Variants in NCOR2 observed in about 807,000 individuals in gnomAD.
NCOR2 encodes CTG repeat protein 26.
A neutral mutation model predicts 262.9 loss-of-function variants in NCOR2; 81 were observed. That is an observed-to-expected ratio of 0.31 (90% CI 0.26 to 0.37). The LOEUF (loss-of-function observed/expected upper bound fraction) is 0.37. Among genes scored for constraint, NCOR2 ranks in the 10% least tolerant of loss-of-function variants. The pLI is 1.00. For missense variants in NCOR2, 3,385 were observed against 3,621.4 expected (o/e 0.93, Z 1.68); for synonymous variants, 1,659 against 1,559.3 (o/e 1.06, Z -1.51).
At chr12:124,533,701 C>T (rs1357818061) in intron 1 of NCOR2, among the ~76,000 whole-genome samples, 1 of 152,162 alleles carries the variant, frequency 6.6e-6, no homozygotes, top group Non-Finnish European at 1.5e-5. Flanking sequence ...AATATATAGT[C>T]ATGTACTGCT....
intron 16 of NCOR2, among the ~76,000 whole-genome samples, chr12:124,390,726 G>C (rs1309660881): frequency 2.0e-5 from 3 of 152,220 alleles, no homozygotes; most frequent in African/African-American, 7.2e-5. Flanking sequence ...TTGACATCCA[G>C]GCACACGCCC....
chr12:124,527,859 C>T (rs1490848048), intron 1 of NCOR2, among the ~76,000 whole-genome samples: 4 of 152,236 alleles, frequency 2.6e-5, no homozygotes, highest in African/African-American at 4.8e-5. Context: ...AGCATAAAGA[C>T]GGGTCCACCT....
At chr12:124,475,855 A>T (rs2047075790) in intron 3 of NCOR2, among the ~76,000 whole-genome samples, 1 of 152,112 alleles carries the variant, frequency 6.6e-6, no homozygotes, top group Non-Finnish European at 1.5e-5. Flanking sequence ...ACCCCACAGA[A>T]CCGTGGGGCT....
intron 31 of NCOR2, among the ~76,000 whole-genome samples, chr12:124,345,744 G>C (rs528339656): frequency 7.2e-5 from 11 of 152,260 alleles, no homozygotes; most frequent in African/African-American, 2.6e-4. Context: ...TGGCAATCAG[G>C]GATCTTACTG....
chr12:124,436,044 C>T (rs866441576), intron 8 of NCOR2, among the ~76,000 whole-genome samples: 3 of 152,374 alleles, frequency 2.0e-5, no homozygotes, highest in Non-Finnish European at 2.9e-5. Flanking sequence ...CTCGTCCTTA[C>T]GCACGACCTG....
In NCOR2 at chr12:124,325,377, G is replaced by GCCCCCCCCCCCCCCC. The variant is rs58967881; in HGVS notation, c.*24_*25insGGGGGGGGGGGGGGG. On this transcript the variant is annotated 3_prime_UTR_variant, in exon 47 of 47. Transcript: ENST00000405201. ...CTGTGGCTCGCTGGGACCTGACACC[G>GCCCCCCCCCCCCCCC]CCCCCCCCCCCGCCCTGTTCTGAGT... The GCCCCCCCCCCCCCCC allele has an allele frequency of 9.2e-5, 23 of 251,118 alleles. 2 individuals are homozygous for GCCCCCCCCCCCCCCC. The highest frequency in any genetic ancestry group is 2.5e-4 in the Admixed American group (2 of 7,864). 15.6% of individuals were successfully genotyped at this position (251,118 alleles called of 1,614,324 possible).
chr12:124,378,314 G>T lies in NCOR2; in HGVS notation c.2090C>A (p.Pro697Gln). Residue 697 changes from proline (P) to glutamine (Q), a missense_variant, in exon 18 of 47, where the codon CCG becomes CAG. Pro to Gln is a moderately conservative substitution (Grantham distance 76). Around this residue, in one of 5 missense-constraint regions of NCOR2, gnomAD observed 515 missense variants for 781.2 expected, o/e 0.66. Transcript: ENST00000405201. This position sits in a 1 kb window ranked among gnomAD's most constrained non-coding sequence, Gnocchi z 4.2. ...CATCTCCTCATCCTCCACCACGGGC[G>T]GGAATGCAGCCTCCTCGCTGGCCGC... 6.2e-7 allele frequency: 1 copy of T among 1,613,994 alleles called. No individual in the cohort carries two copies. The highest frequency in any genetic ancestry group is 8.5e-7 in the Non-Finnish European group (1 of 1,179,912).
intron 13 of NCOR2, among the ~76,000 whole-genome samples, chr12:124,415,200 G>A (rs918850102): frequency 2.0e-5 from 3 of 152,170 alleles, no homozygotes; most frequent in South Asian, 2.1e-4. Flanking sequence ...CAGCCTTGGC[G>A]CACTCAGAGA....
At position 124,552,000 on chromosome 12, in the gene NCOR2, G is replaced by A. The variant is rs1018766805; in HGVS notation, c.-165+15308C>T. Among the ~76,000 whole-genome samples, 5 of 152,104 alleles carry A rather than the reference G, an allele frequency of 3.3e-5. No individual in the cohort carries two copies. In the South Asian group the frequency reaches 8.3e-4, roughly 25 times the overall value. On this transcript the variant is annotated intron_variant, in intron 1 of 32. Transcript: ENST00000458234. ...ACCATTGGGACCAGGTACTCCAGCTGGACTTAAGGGATTAAAAAAAAAGAA... is the reference window on the plus strand; with the variant it reads ...ACCATTGGGACCAGGTACTCCAGCTAGACTTAAGGGATTAAAAAAAAAGAA...
intron 1 of NCOR2, among the ~76,000 whole-genome samples, chr12:124,511,392 CA>C (rs1294442682): frequency 6.6e-6 from 1 of 152,246 alleles, no homozygotes; most frequent in African/African-American, 2.4e-5. Context: ...TGGCCTCTGC[CA>C]AGTAGCCTGC....
chr12:124,551,340 T>A (rs921386719), intron 1 of NCOR2, among the ~76,000 whole-genome samples: 1 of 152,032 alleles, frequency 6.6e-6, no homozygotes, highest in Non-Finnish European at 1.5e-5. Flanking sequence ...GCTCCCCCAG[T>A]AGCAAACAGG....
chr12:124,504,533 A>G lies in NCOR2; in HGVS notation c.-117-9165T>C, dbSNP rs1450759840. Among the ~76,000 whole-genome samples the G allele has an allele frequency of 8.5e-5, 13 of 152,242 alleles. No homozygotes were observed. On this transcript the variant is annotated intron_variant, in intron 1 of 46. Transcript: ENST00000404621. The surrounding 1 kb of genome is among the most constrained non-coding windows in gnomAD (Gnocchi z 4.5). Reference sequence around the variant, plus strand: ...TGACCCAGCGATGCCACTCCTAGCTACACATCCCCAAGGAACGGAAAACTG... The same window carrying G: ...TGACCCAGCGATGCCACTCCTAGCTGCACATCCCCAAGGAACGGAAAACTG...
chr12:124,506,440 G>A (rs894143252), intron 1 of NCOR2, among the ~76,000 whole-genome samples: 5 of 152,034 alleles, frequency 3.3e-5, no homozygotes, highest in African/African-American at 9.7e-5. Context: ...CTGCTCCCCC[G>A]CCACGGCGAA....
exon 26 of NCOR2, chr12:124,354,571 C>G (rs773974343): frequency 1.3e-6 from 2 of 1,588,828 alleles, no homozygotes; most frequent in South Asian, 1.1e-5. Context: ...TGCTTCACTC[C>G]GCTGAAGGGT....
At chr12:124,403,173 A>G (rs2042074375) in intron 13 of NCOR2, among the ~76,000 whole-genome samples, 1 of 152,102 alleles carries the variant, frequency 6.6e-6, no homozygotes, top group Non-Finnish European at 1.5e-5. Context: ...CCGAGTCTGT[A>G]AAACGGGGAG....
chr12:124,506,426 G>A (rs773848975), intron 1 of NCOR2, among the ~76,000 whole-genome samples: 1 of 152,224 alleles, frequency 6.6e-6, no homozygotes, highest in African/African-American at 2.4e-5. Context: ...CAGCCAGCTC[G>A]GCCCTGCTCC....
intron 3 of NCOR2, among the ~76,000 whole-genome samples, chr12:124,474,065 C>A (rs946572540): frequency 6.6e-6 from 1 of 152,242 alleles, no homozygotes; most frequent in Non-Finnish European, 1.5e-5. Context: ...GCGTAACACA[C>A]CTCTCTTCTT....
intron 7 of NCOR2, among the ~76,000 whole-genome samples, chr12:124,438,250 G>A (rs2044486063): frequency 1.3e-5 from 2 of 152,242 alleles, no homozygotes; most frequent in Non-Finnish European, 2.9e-5. Context: ...TCCCAGAGCC[G>A]AGGGGCCTGT....
chr12:124,494,074 C>G (rs937247458), intron 1 of NCOR2, among the ~76,000 whole-genome samples: 3 of 152,212 alleles, frequency 2.0e-5, no homozygotes, highest in Non-Finnish European at 4.4e-5. Context: ...GGGGCCCAAC[C>G]TACAGGAGGC....
Sources: gnomAD v4.1 joint callset for allele counts (sites outside exome capture counted in the v4.1 genomes callset) on GRCh38, gnomAD v4.1.1 for gene constraint, gnomAD v4.1.1 regional missense constraint, Gnocchi (gnomAD v3.1) non-coding constraint, MANE v1.5 for transcripts, NCBI Gene and HGNC (gene_info 2026-07-23, HGNC 2026-07-21) for gene names.